KIRREL1: variants seen among roughly 807,000 people sequenced by gnomAD.
KIRREL1 encodes the protein kirre like nephrin family adhesion molecule 1, also known as kin of IRRE-like protein 1.
In KIRREL1, 25 loss-of-function variants were observed where a neutral mutation model predicts 83.3. The observed-to-expected ratio is 0.30, with a 90% confidence interval of 0.22 to 0.42. The LOEUF (loss-of-function observed/expected upper bound fraction) is 0.42, where lower values mean the gene tolerates loss of function less well. KIRREL1 is among the 10% of genes least tolerant of loss of function. KIRREL1 has a pLI of 1.00. For synonymous variants in KIRREL1, 388 were observed against 410.4 expected (o/e 0.95, Z 0.66); for missense variants, 812 against 1,032.3 (o/e 0.79, Z 2.92).
intron 1 of KIRREL1, among the ~76,000 whole-genome samples, chr1:158,009,728 T>A (rs1442040533): frequency 6.6e-6 from 1 of 152,242 alleles, no homozygotes; most frequent in Non-Finnish European, 1.5e-5. Context: ...TGCTTCTGGC[T>A]GAAAGCTCAT....
At chr1:158,010,652 C>T (rs1302001227) in intron 1 of KIRREL1, among the ~76,000 whole-genome samples, 1 of 152,182 alleles carries the variant, frequency 6.6e-6, no homozygotes, top group Non-Finnish European at 1.5e-5. Context: ...AGATTTCTTT[C>T]CCTGAAAGCT....
chr1:158,011,105 C>G (rs73018965), intron 1 of KIRREL1, among the ~76,000 whole-genome samples: 5,978 of 152,286 alleles, frequency 0.039, 126 homozygotes, highest in Non-Finnish European at 0.052. Flanking sequence ...AAGCTGCTCA[C>G]TCTTCTCAGC....
At position 158,031,744 on chromosome 1, in the gene KIRREL1, C is replaced by T. The variant is rs374244288; in HGVS notation, c.52+38016C>T. Among the ~76,000 whole-genome samples, 22 of 152,254 alleles carry T rather than the reference C, an allele frequency of 1.4e-4. 1 individual carries two copies. The highest frequency in any genetic ancestry group is 5.3e-4 in the African/African-American group (22 of 41,530). On this transcript the variant is annotated intron_variant, in intron 1 of 14. Coordinates refer to ENST00000359209, the MANE Select transcript of KIRREL1 (RefSeq NM_018240.7). ...TTAGTCCTTGTATTTTGAGGGATCC[C>T]AGTTGCTTGGAGGGATAGATAAAGA...
In KIRREL1 at chr1:158,096,793, G is replaced by C; in HGVS notation, c.*1673G>C. On this transcript the variant is annotated 3_prime_UTR_variant, in exon 15 of 15. Coordinates refer to ENST00000359209, the MANE Select transcript of KIRREL1 (RefSeq NM_018240.7). Reference sequence around the variant, plus strand: ...TAAAAAGCAGTGTCTGGAGTTGGCTGTTTCCCGCCTCCCCAGCTGCATGTC... The same window carrying C: ...TAAAAAGCAGTGTCTGGAGTTGGCTCTTTCCCGCCTCCCCAGCTGCATGTC... 2.2e-6 allele frequency: 1 copy of C among 456,674 alleles called. No individual in the cohort carries two copies. Among genetic ancestry groups the C allele is most frequent in the Non-Finnish European group, 4.4e-6 (1 of 226,970 alleles). 28.3% of individuals were successfully genotyped at this position (456,674 alleles called of 1,614,324 possible).
In KIRREL1 at chr1:158,094,781, C is replaced by T. The variant is rs369421466; in HGVS notation, c.1935C>T (p.Ser645=). Residue 645 remains serine, a synonymous_variant, in exon 15 of 15, where the codon AGC becomes AGT. Transcript: ENST00000359209. The surrounding 1 kb of genome is among the most constrained non-coding windows in gnomAD (Gnocchi z 4.6). The stretch of plus-strand genomic sequence containing the variant: ...CCTCATCCCGTCTCTCCCACTCCAG[C>T]GGCTATGCCCAGCTCAACACCTATA... ...GRPSSRLSHS[S]GYAQLNTYSR... is the part of the protein sequence containing the mutation. 27 of 1,613,920 alleles carry T rather than the reference C, an allele frequency of 1.7e-5. No individual in the cohort carries two copies. The highest frequency in any genetic ancestry group is 5.3e-5 in the African/African-American group (4 of 74,900).
At chr1:158,070,720 G>A (rs1661487844) in intron 1 of KIRREL1, among the ~76,000 whole-genome samples, 2 of 152,144 alleles carry the variant, frequency 1.3e-5, no homozygotes, top group Admixed American at 1.3e-4. Flanking sequence ...AGGGTTGTGG[G>A]CTAACCTGAA....
chr1:158,015,356 A>G (rs1659801104), intron 1 of KIRREL1, among the ~76,000 whole-genome samples: 1 of 152,044 alleles, frequency 6.6e-6, no homozygotes, highest in Non-Finnish European at 1.5e-5. Flanking sequence ...CGCTGTTATC[A>G]CCCACCTCCA....
At chr1:158,080,776 C>A (rs1044073178) in intron 3 of KIRREL1, among the ~76,000 whole-genome samples, 1 of 152,210 alleles carries the variant, frequency 6.6e-6, no homozygotes, top group Non-Finnish European at 1.5e-5. Context: ...ACTCTTTCCT[C>A]TCCTTGTCTT....
intron 1 of KIRREL1, among the ~76,000 whole-genome samples, chr1:158,010,352 CACACACACA>C (rs1659641076): frequency 2.1e-5 from 3 of 140,638 alleles, no homozygotes; most frequent in South Asian, 2.2e-4. Context: ...CACACACACA[CACACACACA>C]CCCCACACAG....
chr1:158,009,239 G>A (rs950331506), intron 1 of KIRREL1, among the ~76,000 whole-genome samples: 3 of 152,098 alleles, frequency 2.0e-5, no homozygotes, highest in Admixed American at 6.5e-5. Context: ...TTCTTTCCCT[G>A]GACATATTGA....
At chr1:158,076,323 A>C (rs979901967) in intron 2 of KIRREL1, 61 bp downstream of exon 2, 1 of 1,510,410 alleles carries the variant, frequency 6.6e-7, no homozygotes, top group African/African-American at 1.4e-5. Flanking sequence ...CCCCACTTCC[A>C]GCATAGATTC....
At chr1:158,093,548 C>A in intron 12 of KIRREL1, 75 bp from the exon 13 acceptor site, 2 of 1,605,708 alleles carry the variant, frequency 1.2e-6, no homozygotes. Flanking sequence ...TGAGCTCCAG[C>A]CCAGAGGGAG....
intron 2 of KIRREL1, among the ~76,000 whole-genome samples, chr1:158,077,220 C>T (rs977888167): frequency 4.6e-5 from 7 of 152,010 alleles, no homozygotes; most frequent in Non-Finnish European, 1.5e-5. Flanking sequence ...AGAGGAAATT[C>T]GTCTGTGTAG....
Position 158,089,531 on chromosome 1 carries a change from G to C in KIRREL1, c.1074G>C (p.Leu358=). 2 of 1,614,206 alleles carry C rather than the reference G, an allele frequency of 1.2e-6. No homozygotes were observed. The highest frequency in any genetic ancestry group is 1.7e-6 in the Non-Finnish European group (2 of 1,180,046). ...MVLSNSNQLL[L]KSVTQADAGT... Reference sequence around the variant, plus strand: ...TGAGTAACAGCAACCAGCTGCTGCTGAAGTCGGTGACTCAGGCAGACGCTG... The same window carrying C: ...TGAGTAACAGCAACCAGCTGCTGCTCAAGTCGGTGACTCAGGCAGACGCTG... The change falls in exon 9 of 15, where the codon CTG becomes CTC. Residue 358 remains leucine (L), a synonymous_variant. Coordinates refer to ENST00000359209, the MANE Select transcript of KIRREL1 (RefSeq NM_018240.7).
intron 1 of KIRREL1, among the ~76,000 whole-genome samples, chr1:158,020,029 T>TA (rs1659955339): frequency 6.6e-6 from 1 of 151,932 alleles, no homozygotes; most frequent in Non-Finnish European, 1.5e-5. Flanking sequence ...GGAAAGGAAG[T>TA]TGCTTTAGGA....
chr1:158,088,501 T>C, intron 8 of KIRREL1, 47 bp downstream of exon 8: 7 of 823,862 alleles, frequency 8.5e-6, no homozygotes, highest in Non-Finnish European at 1.3e-5. Flanking sequence ...TTTTTTTTTT[T>C]TGAGACGGAG....
chr1:158,028,529 G>C (rs1481514035), intron 1 of KIRREL1, among the ~76,000 whole-genome samples: 1 of 152,114 alleles, frequency 6.6e-6, no homozygotes, highest in Non-Finnish European at 1.5e-5. Context: ...CATTCCATTT[G>C]CGATGATATA....
intron 1 of KIRREL1, among the ~76,000 whole-genome samples, chr1:158,027,089 A>G (rs1381576181): frequency 6.6e-6 from 1 of 152,104 alleles, no homozygotes; most frequent in Admixed American, 6.5e-5. Context: ...CCCACTTCCA[A>G]TATCAATCGC....
chr1:158,044,048 T>C (rs756362712), intron 1 of KIRREL1, among the ~76,000 whole-genome samples: 6 of 152,198 alleles, frequency 3.9e-5, no homozygotes, highest in African/African-American at 7.2e-5. Flanking sequence ...TTTTGGACAT[T>C]CATTCATTCT....
Sources: allele counts gnomAD v4.1 joint callset (sites outside exome capture counted in the v4.1 genomes callset), GRCh38; gene constraint gnomAD v4.1.1; non-coding constraint Gnocchi (gnomAD v3.1); transcripts MANE v1.5; gene names NCBI Gene and HGNC (gene_info 2026-07-23, HGNC 2026-07-21).